Variants in BMERB1 observed in about 807,000 individuals in gnomAD.
The protein encoded by BMERB1 is bMERB domain-containing protein 1.
Under a neutral mutation model 23.6 loss-of-function variants are expected in BMERB1, and 12 were observed. That is an observed-to-expected ratio of 0.51 (90% confidence interval 0.33 to 0.82). The LOEUF (loss-of-function observed/expected upper bound fraction) is 0.82, where lower values mean the gene tolerates loss of function less well. BMERB1 is among the 40% of genes least tolerant of loss of function. The probability of loss-of-function intolerance (pLI) is 0.03; values close to 1 mark genes in which losing one functional copy is unlikely to be tolerated. For missense variants in BMERB1, 247 were observed against 255.4 expected, an observed-to-expected ratio of 0.97 and a Z score of 0.22; for synonymous variants, 122 against 96.6, an observed-to-expected ratio of 1.26 and a Z score of -1.54.
chr16:15,526,673 A>C (rs890259920), intron 2 of BMERB1, among the ~76,000 whole-genome samples: 1 of 150,602 alleles, frequency 6.6e-6, no homozygotes, highest in Admixed American at 6.6e-5. Context: ...CAAAAAAAAA[A>C]AAAAAAAAAA....
rs370851979 is a variant in BMERB1 at position 15,581,342 on chromosome 16, T to G, written c.419+11T>G. The G allele has an allele frequency of 1.9e-6, 3 of 1,607,174 alleles. No homozygotes were observed. The highest frequency in any genetic ancestry group is 4.5e-5 in the East Asian group (2 of 44,780). On this transcript the variant is annotated intron_variant, in intron 4 of 5. Transcript: ENST00000300006. The stretch of plus-strand genomic sequence containing the variant: ...GGTCGAGCGGTTAAGGTGAGTGCAC[T>G]GCGGGTACCCGATCACTGGGCTGCA...
intron 2 of BMERB1, among the ~76,000 whole-genome samples, chr16:15,546,808 TC>T (rs1354918549): frequency 6.6e-6 from 1 of 152,180 alleles, no homozygotes; most frequent in African/African-American, 2.4e-5. Flanking sequence ...TTTGGGGACT[TC>T]CTTCACACTC....
chr16:15,499,612 A>G (rs1009901522), intron 1 of BMERB1, among the ~76,000 whole-genome samples: 3 of 152,086 alleles, frequency 2.0e-5, no homozygotes, highest in African/African-American at 7.2e-5. Flanking sequence ...CTTCTCCTTG[A>G]GTCCACCTGG....
intron 1 of BMERB1, among the ~76,000 whole-genome samples, chr16:15,488,297 G>A (rs1407643186): frequency 6.6e-6 from 1 of 152,024 alleles, no homozygotes; most frequent in Admixed American, 6.6e-5. Flanking sequence ...CTTGCCCCCC[G>A]TCCAAATATT....
rs1465413194 is a variant in BMERB1 at position 15,515,858 on chromosome 16, ATGGGGT to A, written c.230+431_230+436del. 2.0e-5 allele frequency among the ~76,000 whole-genome samples: 3 copies of A among 152,154 alleles called. No homozygotes were observed. The East Asian group carries it at 5.8e-4, about 29-fold the overall frequency. On this transcript the variant is annotated intron_variant, in intron 2 of 5. Coordinates refer to ENST00000300006, the MANE Select transcript of BMERB1 (RefSeq NM_033201.3). ...TTCTAAAATGGGGAAAAATAACAAG[ATGGGGT>A]CTCTAGCAACATCAGAGTCACATGG...
intron 1 of BMERB1, among the ~76,000 whole-genome samples, chr16:15,463,486 C>T (rs1406585558): frequency 1.3e-5 from 2 of 152,108 alleles, no homozygotes; most frequent in Non-Finnish European, 2.9e-5. Flanking sequence ...TGGGCAGGAG[C>T]CTGTGCGAGT....
At chr16:15,582,156 T>C (rs553389045) in intron 4 of BMERB1, among the ~76,000 whole-genome samples, 1 of 152,306 alleles carries the variant, frequency 6.6e-6, no homozygotes, top group South Asian at 2.1e-4. Context: ...CCAGCGCTTC[T>C]GGGAGGCCAA....
chr16:15,547,542 C>T (rs977292506), intron 2 of BMERB1, among the ~76,000 whole-genome samples: 19 of 151,912 alleles, frequency 1.3e-4, no homozygotes, highest in African/African-American at 4.6e-4. Context: ...GACGGGGTTT[C>T]ACCATGTTGG....
At position 15,481,043 on chromosome 16, in the gene BMERB1, A is replaced by G. The variant is rs561649023; in HGVS notation, c.107-34262A>G. 2.9e-3 allele frequency among the ~76,000 whole-genome samples: 449 copies of G among 152,338 alleles called. 2 individuals are homozygous for G. Among genetic ancestry groups the G allele is most frequent in the Middle Eastern group, 0.02 (6 of 294 alleles). On this transcript the variant is annotated intron_variant, in intron 1 of 5. Transcript: ENST00000300006. The stretch of plus-strand genomic sequence containing the variant: ...AGAATCAGTCTAAGAGTCCATCCAT[A>G]GAGAAGTGGCTAAACTATGGTAGAA...
At chr16:15,455,962 C>T (rs2051084146) in intron 1 of BMERB1, among the ~76,000 whole-genome samples, 1 of 152,124 alleles carries the variant, frequency 6.6e-6, no homozygotes, top group South Asian at 2.1e-4. Flanking sequence ...TTGACGTTTT[C>T]CTTTCTTTTC....
rs1245650346 is a variant in BMERB1 at position 15,586,848 on chromosome 16, T to G, written c.*19T>G. The G allele has an allele frequency of 6.6e-7, 1 of 1,510,282 alleles. No individual in the cohort carries two copies. Among genetic ancestry groups the G allele is most frequent in the South Asian group, 1.2e-5 (1 of 83,066 alleles). The allele number at this position is 1,510,282 out of a possible 1,614,324, so 93.6% of individuals were successfully genotyped here. A position where few individuals can be genotyped will look rare whatever the true frequency, so the allele number is the denominator to read the frequency against. ...CATGTAGCCCCCACGTGGGGTGCCC[T>G]GGGCCATGGGGACCCCCCCCCACCC... On this transcript the variant is annotated 3_prime_UTR_variant, in exon 6 of 6. Coordinates refer to ENST00000300006, the MANE Select transcript of BMERB1 (RefSeq NM_033201.3).
intron 2 of BMERB1, among the ~76,000 whole-genome samples, chr16:15,527,685 G>A (rs2051923278): frequency 6.6e-6 from 1 of 152,100 alleles, no homozygotes; most frequent in Admixed American, 6.6e-5. Flanking sequence ...GGAAAATGCT[G>A]AGAAAGACAG....
chr16:15,462,073 G>A (rs1446104289), intron 1 of BMERB1, among the ~76,000 whole-genome samples: 1 of 150,108 alleles, frequency 6.7e-6, no homozygotes, highest in African/African-American at 2.5e-5. Flanking sequence ...CAATATTTGG[G>A]ACATACTTAT....
At chr16:15,580,704 C>T (rs1033734653) in intron 3 of BMERB1, among the ~76,000 whole-genome samples, 3 of 151,970 alleles carry the variant, frequency 2.0e-5, no homozygotes, top group African/African-American at 7.3e-5. Flanking sequence ...CCCGCCACCA[C>T]ACCCGGCGAA....
chr16:15,530,419 A>T (rs373198533), intron 2 of BMERB1, among the ~76,000 whole-genome samples: 1 of 151,988 alleles, frequency 6.6e-6, no homozygotes, highest in African/African-American at 2.4e-5. Context: ...AAAAATATAT[A>T]TTTTTCAGAG....
At chr16:15,581,424 C>G (rs2031012614) in intron 4 of BMERB1, 93 bp downstream of exon 4, 2 of 1,022,710 alleles carry the variant, frequency 2.0e-6, no homozygotes, top group Admixed American at 2.4e-5. Context: ...GGACTCACAG[C>G]CTTGCCTAAC....
intron 2 of BMERB1, among the ~76,000 whole-genome samples, chr16:15,517,597 C>CAAAAA (rs2051778662): frequency 1.3e-5 from 2 of 148,798 alleles, no homozygotes; most frequent in African/African-American, 2.4e-5. Flanking sequence ...AAAAAAAAAA[C>CAAAAA]TACAAAAATA....
chr16:15,512,314 G>T (rs1476317838), intron 1 of BMERB1, among the ~76,000 whole-genome samples: 1 of 152,126 alleles, frequency 6.6e-6, no homozygotes, highest in Non-Finnish European at 1.5e-5. Context: ...AGAAGAGGGC[G>T]CTGTTCTATC....
rs184847861 is a variant in BMERB1, at chr16:15,454,162, A to G, written c.106+19403A>G. ...GAAGACTTCAGACAGAACTGTACAC[A>G]GCACAGAGCTGCAGAGAAGTGGAAG... is the stretch of plus-strand genomic sequence containing the variant. On this transcript the variant is annotated intron_variant, in intron 1 of 5. Coordinates refer to ENST00000300006, the MANE Select transcript of BMERB1 (RefSeq NM_033201.3). Among the ~76,000 whole-genome samples the G allele has an allele frequency of 4.8e-3, 728 of 152,318 alleles. 2 individuals carry two copies. The highest frequency in any genetic ancestry group is 6.7e-3 in the Non-Finnish European group (453 of 68,014).
Sources: gnomAD v4.1 joint callset for allele counts (sites outside exome capture counted in the v4.1 genomes callset) on GRCh38, gnomAD v4.1.1 for gene constraint, MANE v1.5 for transcripts, NCBI Gene and HGNC (gene_info 2026-07-23, HGNC 2026-07-21) for gene names.